The following SORL1-AS1 variants were observed in gnomAD, a reference collection of about 807,000 sequenced individuals.
SORL1-AS1 encodes the protein lncRNA 51 A.
intron 1 of SORL1-AS1, among the ~76,000 whole-genome samples, chr11:121,451,266 T>C (rs1418368081): frequency 1.3e-5 from 2 of 152,178 alleles, no homozygotes; most frequent in African/African-American, 4.8e-5. Flanking sequence ...AAAAATATTT[T>C]CCTTGGGCGT....
At chr11:121,440,583 A>G in the SORL1-AS1 span, among the ~76,000 whole-genome samples, 1 of 152,212 alleles carries the variant, frequency 6.6e-6, no homozygotes, top group African/African-American at 2.4e-5. Context: ...GGTCACAGAA[A>G]CTAGAATTTC....
At chr11:121,451,493 G>A (rs927314019) in intron 1 of SORL1-AS1, among the ~76,000 whole-genome samples, 2 of 152,220 alleles carry the variant, frequency 1.3e-5, no homozygotes, top group Non-Finnish European at 2.9e-5. Context: ...GCAAGCCGCC[G>A]CTGGGGCCCT....
downstream of SORL1-AS1, among the ~76,000 whole-genome samples, chr11:121,446,304 G>A (rs779456246): frequency 4.8e-4 from 73 of 152,326 alleles, no homozygotes; most frequent in Non-Finnish European, 9.4e-4. Flanking sequence ...CCTAAAGCAA[G>A]TTTCAGGGCC....
At chr11:121,440,806 C>T in the SORL1-AS1 span, among the ~76,000 whole-genome samples, 7 of 152,186 alleles carry the variant, frequency 4.6e-5, no homozygotes, top group Non-Finnish European at 1.0e-4. Flanking sequence ...CGTAGCTGTC[C>T]ATTCTTCATC....
In SORL1-AS1 at chr11:121,452,518, C is replaced by A; in HGVS notation, n.339+157G>T. ...CCCGCGCGAGCTGCGGCTGTGGGCG[C>A]GCGGGGATGCCAGGGGGGCGAGCCG... On this transcript the variant is annotated intron_variant and non_coding_transcript_variant, in intron 1 of 1. Coordinates refer to ENST00000501964, the Ensembl canonical transcript of SORL1-AS1. This position sits in a 1 kb window ranked among gnomAD's most constrained non-coding sequence, Gnocchi z 5.3. The A allele has an allele frequency of 6.8e-7, 1 of 1,478,024 alleles. No individual in the cohort carries two copies. The highest frequency in any genetic ancestry group is 8.9e-7 in the Non-Finnish European group (1 of 1,119,300). The allele number at this position is 1,478,024 out of a possible 1,614,324, so 91.6% of individuals were successfully genotyped here. A position where few individuals can be genotyped will look rare whatever the true frequency, so the allele number is the denominator to read the frequency against.
At chr11:121,438,933 C>G in the SORL1-AS1 span, among the ~76,000 whole-genome samples, 1 of 152,092 alleles carries the variant, frequency 6.6e-6, no homozygotes. Context: ...GGCTGAGGCA[C>G]AAGAATTGCT....
At chr11:121,439,028 C>A in the SORL1-AS1 span, among the ~76,000 whole-genome samples, 1 of 152,108 alleles carries the variant, frequency 6.6e-6, no homozygotes, top group Admixed American at 6.5e-5. Flanking sequence ...TCTGTTTCAA[C>A]AACAACAACA....
chr11:121,442,433 G>A (rs11601838), downstream of SORL1-AS1, among the ~76,000 whole-genome samples: 35 of 151,926 alleles, frequency 2.3e-4, no homozygotes, highest in Non-Finnish European at 4.6e-4. Flanking sequence ...TCAGGAGTTC[G>A]GGCCCAGCCT....
At chr11:121,446,688 T>C (rs949956449), downstream of SORL1-AS1, among the ~76,000 whole-genome samples, 1 of 150,436 alleles carries the variant, frequency 6.6e-6, no homozygotes, top group African/African-American at 2.5e-5. Flanking sequence ...GGGGTGGAGG[T>C]TGCAGTGAGC....
At chr11:121,443,269 T>A (rs900894749), downstream of SORL1-AS1, among the ~76,000 whole-genome samples, 1 of 152,240 alleles carries the variant, frequency 6.6e-6, no homozygotes, top group African/African-American at 2.4e-5. Context: ...GACTTTCTAG[T>A]GCTAGCTGAC....
At chr11:121,439,889 G>T in the SORL1-AS1 span, among the ~76,000 whole-genome samples, 11 of 152,322 alleles carry the variant, frequency 7.2e-5, no homozygotes, top group South Asian at 1.7e-3. Context: ...TAAGACAAGG[G>T]CTTTGGCCAA....
the SORL1-AS1 span, among the ~76,000 whole-genome samples, chr11:121,442,221 T>C: frequency 6.6e-6 from 1 of 152,226 alleles, no homozygotes; most frequent in Non-Finnish European, 1.5e-5. Flanking sequence ...TGCACCTTAC[T>C]TGAATGTGCT....
chr11:121,444,689 G>A (rs140254939), downstream of SORL1-AS1, among the ~76,000 whole-genome samples: 674 of 152,344 alleles, frequency 4.4e-3, no homozygotes, highest in Non-Finnish European at 6.9e-3. Flanking sequence ...TGAGGACACG[G>A]TGGGTGTCCC....
the SORL1-AS1 span, among the ~76,000 whole-genome samples, chr11:121,441,463 G>A: frequency 1.4e-5 from 2 of 146,978 alleles, no homozygotes; most frequent in Non-Finnish European, 3.0e-5. Flanking sequence ...CCTGGGATGC[G>A]GAGCTTGCAG....
Position 121,452,165 on chromosome 11 carries a change from G to T in SORL1-AS1, n.339+510C>A. The T allele has an allele frequency of 5.2e-6, 1 of 193,916 alleles. No individual in the cohort carries two copies. Among genetic ancestry groups the T allele is most frequent in the South Asian group, 1.6e-4 (1 of 6,244 alleles). The allele number at this position is 193,916 out of a possible 1,614,324, so 12.0% of individuals were successfully genotyped here. Reference sequence around the variant, plus strand: ...GTGACGGCGCCGCGCCGAACCGAGCGGGACCTGGCGGCAGCGGCGGCGGGC... The same window carrying T: ...GTGACGGCGCCGCGCCGAACCGAGCTGGACCTGGCGGCAGCGGCGGCGGGC... On this transcript the variant is annotated intron_variant and non_coding_transcript_variant, in intron 1 of 1. Coordinates refer to ENST00000501964, the Ensembl canonical transcript of SORL1-AS1. The surrounding 1 kb of genome is among the most constrained non-coding windows in gnomAD (Gnocchi z 5.3).
downstream of SORL1-AS1, among the ~76,000 whole-genome samples, chr11:121,442,779 C>T (rs575718371): frequency 1.2e-3 from 177 of 150,112 alleles, no homozygotes; most frequent in African/African-American, 4.1e-3. Context: ...CCCAGGTTCA[C>T]GCCATTCTCC....
rs1591538530 is a variant in SORL1-AS1 at position 121,450,464 on chromosome 11, A to C, written n.340-565T>G. Among the ~76,000 whole-genome samples, 5 of 151,790 alleles carry C rather than the reference A, an allele frequency of 3.3e-5. No homozygotes were observed. The highest frequency in any genetic ancestry group is 1.2e-4 in the African/African-American group (5 of 41,442). Reference sequence around the variant, plus strand: ...TTATTATTTTTAATTGACATATATAAGTATATAATAAATATATATGTTATA... The same window carrying C: ...TTATTATTTTTAATTGACATATATACGTATATAATAAATATATATGTTATA... On this transcript the variant is annotated intron_variant and non_coding_transcript_variant, in intron 1 of 1. Coordinates refer to ENST00000501964, the Ensembl canonical transcript of SORL1-AS1. This position sits in a 1 kb window ranked among gnomAD's most constrained non-coding sequence, Gnocchi z 5.2.
chr11:121,441,530 C>CAAAAAAAAAAAAAAAAAAAAAAAAAAAAA, the SORL1-AS1 span, among the ~76,000 whole-genome samples: 30 of 52,334 alleles, frequency 5.7e-4, 1 homozygote, highest in East Asian at 1.8e-3. Flanking sequence ...GACTCTGTCT[C>CAAAAAAAAAAAAAAAAAAAAAAAAAAAAA]AAAAAAAAAA....
downstream of SORL1-AS1, among the ~76,000 whole-genome samples, chr11:121,446,645 G>A (rs1284617711): frequency 1.3e-5 from 2 of 152,084 alleles, no homozygotes; most frequent in Non-Finnish European, 2.9e-5. Flanking sequence ...CAGCTACTCG[G>A]GAGGCTGAGG....
Sources: gnomAD v4.1 joint callset for allele counts (sites outside exome capture counted in the v4.1 genomes callset) on GRCh38, gnomAD v4.1.1 for gene constraint, Gnocchi (gnomAD v3.1) non-coding constraint, MANE v1.5 for transcripts, NCBI Gene and HGNC (gene_info 2026-07-23, HGNC 2026-07-21) for gene names.